Variants in AHRR observed in about 807,000 individuals in gnomAD.
The protein encoded by AHRR is ahR repressor.
AHRR carries 28 observed loss-of-function variants against 44.0 expected under a neutral mutation model. That is an observed-to-expected ratio of 0.64 (90% confidence interval 0.47 to 0.87). The LOEUF (loss-of-function observed/expected upper bound fraction) is 0.87, where lower values mean the gene tolerates loss of function less well. Among genes scored for constraint, AHRR ranks in the 40% least tolerant of loss-of-function variants. AHRR has a pLI of 0.00. For missense variants in AHRR, 990 were observed against 953.9 expected (o/e 1.04, Z -0.50); for synonymous variants, 434 against 407.0 (o/e 1.07, Z -0.80).
intron 5 of AHRR, among the ~76,000 whole-genome samples, chr5:415,608 GTGGGGCGGGAGGCCTAGGGGCCGAA>G (rs1166499853): frequency 1.2e-4 from 17 of 139,138 alleles, no homozygotes; most frequent in Middle Eastern, 3.7e-3. Flanking sequence ...AATCTGCCTG[GTGGGGCGGGAGGCCTAGGGGCCGAA>G]TCTGCCTGGT....
At chr5:355,636 T>C (rs111969232) in intron 3 of AHRR, among the ~76,000 whole-genome samples, 1 of 152,230 alleles carries the variant, frequency 6.6e-6, no homozygotes, top group African/African-American at 2.4e-5. Flanking sequence ...TTCTGGTGTT[T>C]CCAGCAAGTT....
chr5:427,907 C>G lies in AHRR; in HGVS notation c.809C>G (p.Ala270Gly), dbSNP rs183151904. The stretch of plus-strand genomic sequence containing the variant: ...CCGCGGCTGTCGCTGTTCTGCATTG[C>G]GGCACCCGTTCTCCTCCCCTCCGCA... ...LPPRLSLFCIAAPVLLPSAAE... is the reference protein window; with the variant it reads ...LPPRLSLFCIGAPVLLPSAAE... The change falls in exon 8 of 11, where the codon GCG becomes GGG. Residue 270 changes from alanine to glycine, a missense_variant. Ala to Gly is a moderately conservative substitution (Grantham distance 60). Coordinates refer to ENST00000684583, the MANE Select transcript of AHRR (RefSeq NM_001377236.1). 1 of 1,614,106 alleles carries G rather than the reference C, an allele frequency of 6.2e-7. No individual in the cohort carries two copies. Among genetic ancestry groups the G allele is most frequent in the Non-Finnish European group, 8.5e-7 (1 of 1,180,034 alleles).
At chr5:385,091 A>AAAAAAC (rs1440466826) in intron 4 of AHRR, among the ~76,000 whole-genome samples, 1 of 152,140 alleles carries the variant, frequency 6.6e-6, no homozygotes, top group Non-Finnish European at 1.5e-5. Flanking sequence ...TTGCAGTGAG[A>AAAAAAC]AAAAACAAAA....
chr5:336,885 T>G (rs1295830749), intron 1 of AHRR, among the ~76,000 whole-genome samples: 1 of 151,244 alleles, frequency 6.6e-6, no homozygotes, highest in East Asian at 1.9e-4. Context: ...TGTGGCTTTG[T>G]TTTTTTTTCC....
At position 375,297 on chromosome 5, in the gene AHRR, C is replaced by T. The variant is rs541267629; in HGVS notation, c.245-1313C>T. 2.6e-5 allele frequency among the ~76,000 whole-genome samples: 4 copies of T among 152,342 alleles called. No homozygotes were observed. In the East Asian group the frequency reaches 5.8e-4, roughly 22 times the overall value. ...GCTACAAATAGACACGTGCGCTTTTCGATGAGGCGGTGCCCCTCAAACTTG... is the reference window on the plus strand; with the variant it reads ...GCTACAAATAGACACGTGCGCTTTTTGATGAGGCGGTGCCCCTCAAACTTG... On this transcript the variant is annotated intron_variant, in intron 3 of 10. Coordinates refer to ENST00000684583, the MANE Select transcript of AHRR (RefSeq NM_001377236.1).
Position 326,013 on chromosome 5 carries a change from CCT to C in AHRR, c.-11+4196_-11+4197del, listed in dbSNP as rs1741693763. Among the ~76,000 whole-genome samples the C allele has an allele frequency of 6.6e-6, 1 of 152,096 alleles. No homozygotes were observed. The highest frequency in any genetic ancestry group is 2.4e-5 in the African/African-American group (1 of 41,398). ...GGCCAGGCTGGTCTTGAACTCCTGA[CCT>C]CAGGCGATTCCCCTGCCTCAGCCTC... On this transcript the variant is annotated intron_variant, in intron 1 of 10. Coordinates refer to ENST00000684583, the MANE Select transcript of AHRR (RefSeq NM_001377236.1). The surrounding 1 kb of genome is among the most constrained non-coding windows in gnomAD (Gnocchi z 4.1).
At chr5:327,332 A>C (rs1437371782) in intron 1 of AHRR, among the ~76,000 whole-genome samples, 3 of 152,116 alleles carry the variant, frequency 2.0e-5, no homozygotes, top group Non-Finnish European at 2.9e-5. Context: ...TACCCAAATA[A>C]TGTACATTGT....
intron 1 of AHRR, among the ~76,000 whole-genome samples, chr5:332,049 A>G (rs1216398688): frequency 6.6e-6 from 1 of 152,148 alleles, no homozygotes; most frequent in African/African-American, 2.4e-5. Context: ...TTAAATTTCC[A>G]TCTTAATCTC....
chr5:429,202 T>C (rs116968791), intron 8 of AHRR, among the ~76,000 whole-genome samples: 11,011 of 151,206 alleles, frequency 0.073, 479 homozygotes, highest in Admixed American at 0.12. Context: ...GGGCCGGGGC[T>C]GCCAGGATGC....
rs1300274732 is a variant in AHRR, at chr5:326,285, C to T, written c.-11+4466C>T. Among the ~76,000 whole-genome samples, 1 of 152,222 alleles carries T rather than the reference C, an allele frequency of 6.6e-6. No homozygotes were observed. The highest frequency in any genetic ancestry group is 2.4e-5 in the African/African-American group (1 of 41,446). On this transcript the variant is annotated intron_variant, in intron 1 of 10. Transcript: ENST00000684583. This position sits in a 1 kb window ranked among gnomAD's most constrained non-coding sequence, Gnocchi z 4.1. ...CCCTGCTCCCAGGTCCTGGCCACCACGAACCTTTTTATCTGAGTTTGCCTA... is the reference window on the plus strand; with the variant it reads ...CCCTGCTCCCAGGTCCTGGCCACCATGAACCTTTTTATCTGAGTTTGCCTA...
intron 7 of AHRR, 124 bp downstream of exon 7, chr5:424,101 G>T: frequency 7.4e-7 from 1 of 1,357,960 alleles, no homozygotes; most frequent in East Asian, 2.4e-5. Context: ...GTGGAGGGAC[G>T]GGGGCCGGTG....
In AHRR at chr5:388,820, G is replaced by C. The variant is rs1734278872; in HGVS notation, c.351+12104G>C. Among the ~76,000 whole-genome samples, 1 of 152,244 alleles carries C rather than the reference G, an allele frequency of 6.6e-6. No homozygotes were observed. Among genetic ancestry groups the C allele is most frequent in the South Asian group, 2.1e-4 (1 of 4,834 alleles). Reference sequence around the variant, plus strand: ...CCGTCCCGCTGGCTGGATGGAAACAGGAAGCTGGCAGGAGGACAGTGTGGC... The same window carrying C: ...CCGTCCCGCTGGCTGGATGGAAACACGAAGCTGGCAGGAGGACAGTGTGGC... On this transcript the variant is annotated intron_variant, in intron 4 of 10. Coordinates refer to ENST00000684583, the MANE Select transcript of AHRR (RefSeq NM_001377236.1). This position sits in a 1 kb window ranked among gnomAD's most constrained non-coding sequence, Gnocchi z 5.2.
chr5:327,049 ACT>A (rs1212363605), intron 1 of AHRR, among the ~76,000 whole-genome samples: 1 of 152,050 alleles, frequency 6.6e-6, no homozygotes, highest in Non-Finnish European at 1.5e-5. Flanking sequence ...ACAGAGCGAG[ACT>A]CTGTCTCAAC....
chr5:434,041 G>GCCTGC lies in AHRR; in HGVS notation c.1309_1313dup (p.Cys439AlafsTer74), dbSNP rs1560927054. 1 of 1,610,684 alleles carries GCCTGC rather than the reference G, an allele frequency of 6.2e-7. No individual in the cohort carries two copies. The highest frequency in any genetic ancestry group is 1.7e-5 in the Admixed American group (1 of 59,572). Reference sequence around the variant, plus strand: ...CTGCGCCCCATGCCCCGCGGCTCCTGCCTGCCCTGCCCGTGTGTCCAGGGC... The same window carrying GCCTGC: ...CTGCGCCCCATGCCCCGCGGCTCCTGCCTGCCCTGCCCTGCCCGTGTGTCCAGGGC... On this transcript the variant is annotated frameshift_variant, in exon 11 of 11. Transcript: ENST00000684583.
intron 3 of AHRR, 53 bp from the exon 4 acceptor site, chr5:376,557 A>AACGCGGGGAAACACAGGAAAGATGTGAAT: frequency 4.2e-6 from 6 of 1,423,182 alleles, no homozygotes; most frequent in Non-Finnish European, 3.8e-6. Context: ...AATGAAGAAG[A>AACGCGGGGAAACACAGGAAAGATGTGAAT]GTGGCCAGGC....
chr5:430,043 C>G (rs1182054436), intron 8 of AHRR, among the ~76,000 whole-genome samples: 2 of 152,220 alleles, frequency 1.3e-5, no homozygotes, highest in African/African-American at 2.4e-5. Context: ...CAGACCGGAG[C>G]AGACGTCCCC....
At position 436,611 on chromosome 5, in the gene AHRR, A is replaced by C. The variant is rs890555072; in HGVS notation, c.*1777A>C. ...TCCATCGTGGCCCCCTATGACCCCCAAGCCCTACCGAGGGGGCACTCACTC... is the reference window on the plus strand; with the variant it reads ...TCCATCGTGGCCCCCTATGACCCCCCAGCCCTACCGAGGGGGCACTCACTC... On this transcript the variant is annotated 3_prime_UTR_variant, in exon 11 of 11. Transcript: ENST00000684583. The C allele has an allele frequency of 1.3e-5, 2 of 152,410 alleles. No individual in the cohort carries two copies. The highest frequency in any genetic ancestry group is 2.9e-5 in the Non-Finnish European group (2 of 68,158). 9.4% of individuals were successfully genotyped at this position (152,410 alleles called of 1,614,324 possible).
chr5:367,822 G>A, intron 3 of AHRR: 1 of 702,500 alleles, frequency 1.4e-6, no homozygotes, highest in Non-Finnish European at 2.6e-6. Flanking sequence ...GGGGTTGGCA[G>A]TGGCAGATGC....
rs1430545183 is a variant in AHRR, at chr5:326,826, A to G, written c.-11+5007A>G. Reference sequence around the variant, plus strand: ...GTAATCCCTGCACTTTGGGAGGCTGAGGCAGGCGGATCACTTGAGGTCGGG... The same window carrying G: ...GTAATCCCTGCACTTTGGGAGGCTGGGGCAGGCGGATCACTTGAGGTCGGG... On this transcript the variant is annotated intron_variant, in intron 1 of 10. Transcript: ENST00000684583. This position sits in a 1 kb window ranked among gnomAD's most constrained non-coding sequence, Gnocchi z 4.1. 6.6e-6 allele frequency among the ~76,000 whole-genome samples: 1 copy of G among 152,178 alleles called. No individual in the cohort carries two copies. Among genetic ancestry groups the G allele is most frequent in the African/African-American group, 2.4e-5 (1 of 41,438 alleles).
Sources: allele counts gnomAD v4.1 joint callset (sites outside exome capture counted in the v4.1 genomes callset), GRCh38; gene constraint gnomAD v4.1.1; non-coding constraint Gnocchi (gnomAD v3.1); transcripts MANE v1.5; gene names NCBI Gene and HGNC (gene_info 2026-07-23, HGNC 2026-07-21).